Variants in AGBL1 observed in about 807,000 individuals in gnomAD.
AGBL1 encodes AGBL carboxypeptidase 1, also known as cytosolic carboxypeptidase 4.
Under a neutral mutation model 118.9 loss-of-function variants are expected in AGBL1, and 130 were observed. That is an observed-to-expected ratio of 1.09 (90% confidence interval 0.95 to 1.26). The LOEUF (loss-of-function observed/expected upper bound fraction) is 1.26, where lower values mean the gene tolerates loss of function less well. AGBL1 is among the 50% of genes most tolerant of loss of function. AGBL1 has a pLI of 0.00. For missense variants in AGBL1, 1,584 were observed against 1,298.1 expected (o/e 1.22, Z -3.38); for synonymous variants, 555 against 478.9 (o/e 1.16, Z -2.08).
At chr15:86,994,828 T>C (rs1232372904) in intron 24 of AGBL1, among the ~76,000 whole-genome samples, 2 of 152,246 alleles carry the variant, frequency 1.3e-5, no homozygotes, top group African/African-American at 4.8e-5. Flanking sequence ...ATATGTAAGA[T>C]TTAATTTCAT....
At chr15:86,492,927 G>A (rs540174617) in intron 18 of AGBL1, among the ~76,000 whole-genome samples, 7 of 152,118 alleles carry the variant, frequency 4.6e-5, no homozygotes, top group South Asian at 2.1e-4. Context: ...ATAGGCTCAC[G>A]CCTGTAATCC....
chr15:87,015,742 C>G (rs556616673), intron 24 of AGBL1, among the ~76,000 whole-genome samples: 1 of 152,176 alleles, frequency 6.6e-6, no homozygotes, highest in Non-Finnish European at 1.5e-5. Context: ...CCCCACACCC[C>G]TGCTATTGAT....
chr15:86,668,217 G>C lies in AGBL1; in HGVS notation c.2995-6056G>C, dbSNP rs183157761. On this transcript the variant is annotated intron_variant, in intron 21 of 22. Coordinates refer to ENST00000614907, the MANE Select transcript of AGBL1 (RefSeq NM_001386094.1). ...TCACATTTCAACATGAGATTTGGAGGGGATAAATATCCAATTCATATCATC... is the reference window on the plus strand; with the variant it reads ...TCACATTTCAACATGAGATTTGGAGCGGATAAATATCCAATTCATATCATC... Among the ~76,000 whole-genome samples the C allele has an allele frequency of 3.4e-3, 512 of 152,250 alleles. 4 individuals carry two copies. Among genetic ancestry groups the C allele is most frequent in the African/African-American group, 0.012 (485 of 41,538 alleles).
chr15:86,245,335 C>A (rs2141986532), intron 6 of AGBL1, among the ~76,000 whole-genome samples: 1 of 152,310 alleles, frequency 6.6e-6, no homozygotes, highest in Non-Finnish European at 1.5e-5. Context: ...CTCTCCCTCA[C>A]ACACACTCAG....
chr15:86,236,009 G>A (rs1029995027), intron 6 of AGBL1, among the ~76,000 whole-genome samples: 1 of 152,202 alleles, frequency 6.6e-6, no homozygotes, highest in Non-Finnish European at 1.5e-5. Context: ...TGACTGACTT[G>A]CCCGAGATTG....
At chr15:86,804,404 A>G (rs1195692541) in intron 22 of AGBL1, among the ~76,000 whole-genome samples, 4 of 152,170 alleles carry the variant, frequency 2.6e-5, no homozygotes, top group Non-Finnish European at 4.4e-5. Context: ...AACTTTCTGA[A>G]GTGTTTCTAA....
chr15:86,871,334 A>G (rs775441824), intron 22 of AGBL1, among the ~76,000 whole-genome samples: 7 of 152,200 alleles, frequency 4.6e-5, no homozygotes, highest in Non-Finnish European at 1.0e-4. Context: ...TCAACCTGAC[A>G]ACTGTTTCAA....
intron 22 of AGBL1, among the ~76,000 whole-genome samples, chr15:86,679,754 G>T (rs905433814): frequency 2.0e-5 from 3 of 152,040 alleles, no homozygotes; most frequent in Non-Finnish European, 4.4e-5. Flanking sequence ...ATTTAACAAA[G>T]TCCAGATTAG....
At chr15:86,115,755 C>G (rs1252482414) in intron 1 of AGBL1, among the ~76,000 whole-genome samples, 1 of 152,176 alleles carries the variant, frequency 6.6e-6, no homozygotes, top group Non-Finnish European at 1.5e-5. Context: ...GGGCATCTTC[C>G]TCAGTCACAT....
At chr15:86,646,131 A>T (rs1567100933) in intron 21 of AGBL1, among the ~76,000 whole-genome samples, 1 of 150,986 alleles carries the variant, frequency 6.6e-6, no homozygotes, top group African/African-American at 2.4e-5. Flanking sequence ...CAGTTTGCTG[A>T]ATCATTTACT....
chr15:86,211,368 C>G (rs1179680062), intron 5 of AGBL1, among the ~76,000 whole-genome samples: 2 of 152,228 alleles, frequency 1.3e-5, no homozygotes, highest in African/African-American at 4.8e-5. Flanking sequence ...CCGCTCTCTT[C>G]AGAGCTGTCA....
chr15:86,308,399 A>T (rs1457576112), intron 17 of AGBL1, among the ~76,000 whole-genome samples: 1 of 152,202 alleles, frequency 6.6e-6, no homozygotes, highest in Non-Finnish European at 1.5e-5. Context: ...CTGAGAGAAG[A>T]TGTGGCCATC....
intron 22 of AGBL1, among the ~76,000 whole-genome samples, chr15:86,896,082 T>A (rs1343936263): frequency 6.6e-6 from 1 of 152,266 alleles, no homozygotes; most frequent in East Asian, 1.9e-4. Context: ...TGTTAAAATG[T>A]TTTTTCATTT....
rs140459828 is a variant in AGBL1 at position 86,522,431 on chromosome 15, C to A, written c.2556-379C>A. Among the ~76,000 whole-genome samples, 41 of 152,302 alleles carry A rather than the reference C, an allele frequency of 2.7e-4. No homozygotes were observed. In the East Asian group the frequency reaches 7.7e-3, roughly 29 times the overall value. On this transcript the variant is annotated intron_variant, in intron 18 of 22. Transcript: ENST00000614907. The stretch of plus-strand genomic sequence containing the variant: ...AGCTGGAAATATCATATGTAACACA[C>A]CAAGTATGATAGATTGAATGCAACT...
At chr15:86,209,893 C>A (rs1034460431) in intron 5 of AGBL1, among the ~76,000 whole-genome samples, 1 of 152,240 alleles carries the variant, frequency 6.6e-6, no homozygotes, top group South Asian at 2.1e-4. Flanking sequence ...TTAGTTGATG[C>A]AGTTTCTTCC....
chr15:86,870,265 A>T (rs1442967497), intron 22 of AGBL1, among the ~76,000 whole-genome samples: 2 of 152,042 alleles, frequency 1.3e-5, no homozygotes, highest in East Asian at 3.9e-4. Flanking sequence ...TCTATTTTTC[A>T]TCCTCAGTTT....
At chr15:86,726,503 C>A (rs1244985986) in intron 22 of AGBL1, among the ~76,000 whole-genome samples, 2 of 152,136 alleles carry the variant, frequency 1.3e-5, no homozygotes, top group African/African-American at 2.4e-5. Context: ...TAGGATTGAG[C>A]AAGATAATAT....
chr15:86,487,686 C>A (rs1458807852), intron 18 of AGBL1, among the ~76,000 whole-genome samples: 1 of 151,948 alleles, frequency 6.6e-6, no homozygotes. Flanking sequence ...CCCCTAAATC[C>A]CATCTATTAA....
chr15:86,917,534 A>G (rs2080438736), downstream of AGBL1, among the ~76,000 whole-genome samples: 1 of 152,222 alleles, frequency 6.6e-6, no homozygotes, highest in Middle Eastern at 3.2e-3. The surrounding 1 kb of genome is among the most constrained non-coding windows in gnomAD (Gnocchi z 4.8). Context: ...GGAGACAGAC[A>G]GCAGTGACCT....
Sources: gnomAD v4.1 joint callset for allele counts (sites outside exome capture counted in the v4.1 genomes callset) on GRCh38, gnomAD v4.1.1 for gene constraint, Gnocchi (gnomAD v3.1) non-coding constraint, MANE v1.5 for transcripts, NCBI Gene and HGNC (gene_info 2026-07-23, HGNC 2026-07-21) for gene names.